Variants in PRDM10 observed in about 807,000 individuals in gnomAD.
PRDM10 encodes the protein PR domain zinc finger protein 10.
In PRDM10, 65 loss-of-function variants were observed where a neutral mutation model predicts 133.1. That is an observed-to-expected ratio of 0.49 (90% CI 0.40 to 0.60). The LOEUF (loss-of-function observed/expected upper bound fraction) is 0.60. Ranked by LOEUF, PRDM10 falls within the 20% of genes least tolerant of loss-of-function variation. PRDM10 has a pLI of 0.00. For synonymous variants in PRDM10, 582 were observed against 580.4 expected (o/e 1.00, Z -0.04); for missense variants, 1,137 against 1,507.1 (o/e 0.75, Z 4.07).
chr11:129,997,781 T>C (rs538994922), intron 1 of PRDM10, among the ~76,000 whole-genome samples: 151 of 152,376 alleles, frequency 9.9e-4, no homozygotes, highest in Admixed American at 2.0e-3. Flanking sequence ...AAATGATCCA[T>C]TGAATACATT....
chr11:129,938,305 G>C (rs906450707), intron 7 of PRDM10, among the ~76,000 whole-genome samples: 1 of 152,130 alleles, frequency 6.6e-6, no homozygotes, highest in East Asian at 1.9e-4. Flanking sequence ...TTGACTGGAT[G>C]TTTTAGATGT....
At chr11:129,978,441 A>G (rs1281625884) in intron 1 of PRDM10, among the ~76,000 whole-genome samples, 2 of 152,220 alleles carry the variant, frequency 1.3e-5, no homozygotes, top group Non-Finnish European at 2.9e-5. Context: ...AGCATGTCCT[A>G]AAGAAATGTT....
chr11:129,959,540 C>T (rs1951757053), intron 2 of PRDM10, among the ~76,000 whole-genome samples: 1 of 152,162 alleles, frequency 6.6e-6, no homozygotes, highest in African/African-American at 2.4e-5. Flanking sequence ...GGGACCCTGA[C>T]CTTGGCTATC....
intron 6 of PRDM10, among the ~76,000 whole-genome samples, chr11:129,943,623 C>A (rs1408077813): frequency 6.6e-6 from 1 of 151,918 alleles, no homozygotes; most frequent in Middle Eastern, 3.2e-3. Context: ...ACTTTGAGAG[C>A]CCAAGGCAGG....
chr11:129,978,382 C>T (rs144663566), intron 1 of PRDM10, among the ~76,000 whole-genome samples: 4 of 152,170 alleles, frequency 2.6e-5, no homozygotes, highest in African/African-American at 7.2e-5. Flanking sequence ...GAAAGTCATG[C>T]TTCTGATATG....
intron 17 of PRDM10, among the ~76,000 whole-genome samples, chr11:129,912,763 A>AG (rs1237985964): frequency 6.8e-6 from 1 of 146,298 alleles, no homozygotes; most frequent in Non-Finnish European, 1.5e-5. Flanking sequence ...AAAAAAAAAA[A>AG]AAAATTAGTC....
rs568669300 is a variant in PRDM10, at chr11:129,926,845, T to C, written c.1531-1616A>G. Among the ~76,000 whole-genome samples the C allele has an allele frequency of 1.4e-4, 21 of 152,316 alleles. No individual in the cohort carries two copies. The East Asian group carries it at 3.7e-3, about 27-fold the overall frequency. On this transcript the variant is annotated intron_variant, in intron 11 of 20. Coordinates refer to ENST00000360871, the MANE Select transcript of PRDM10 (RefSeq NM_199437.2). The stretch of plus-strand genomic sequence containing the variant: ...GTAGTTTGAGAATCAGTGAAATATA[T>C]TTCATATGAAACTCAAAAAAATGAT...
chr11:129,941,974 C>T (rs2135859026), intron 7 of PRDM10, among the ~76,000 whole-genome samples: 1 of 152,316 alleles, frequency 6.6e-6, no homozygotes, highest in South Asian at 2.1e-4. Context: ...TTCACGTTGG[C>T]TCTGCGCAAT....
Position 129,990,345 on chromosome 11 carries a change from C to CA in PRDM10, c.-119+12376dup, listed in dbSNP as rs1222504533. Among the ~76,000 whole-genome samples, 80 of 148,570 alleles carry CA rather than the reference C, an allele frequency of 5.4e-4. No individual in the cohort carries two copies. The East Asian group carries it at 0.012, about 22-fold the overall frequency. ...TGGGTGACAGAGCGAGACTCCACCA[C>CA]AAAAAAAACAAAAAAAAATTCCAAA... On this transcript the variant is annotated intron_variant, in intron 1 of 20. Transcript: ENST00000360871.
rs1351875116 is a variant in PRDM10 at position 129,923,154 on chromosome 11, T to G, written c.2034+94A>C. 1.5e-6 allele frequency: 2 copies of G among 1,376,884 alleles called. No homozygotes were observed. The highest frequency in any genetic ancestry group is 1.9e-6 in the Non-Finnish European group (2 of 1,033,546). The allele number at this position is 1,376,884 out of a possible 1,614,324, so 85.3% of individuals were successfully genotyped here. A position where few individuals can be genotyped will look rare whatever the true frequency, so the allele number is the denominator to read the frequency against. On this transcript the variant is annotated intron_variant, in intron 13 of 20. Coordinates refer to ENST00000360871, the MANE Select transcript of PRDM10 (RefSeq NM_199437.2). The surrounding 1 kb of genome is among the most constrained non-coding windows in gnomAD (Gnocchi z 4.4). ...TCAGGTCCAGTTCATCAGAGGTGGGTGATAAACTGATGAAATGAACAGGCA... is the reference window on the plus strand; with the variant it reads ...TCAGGTCCAGTTCATCAGAGGTGGGGGATAAACTGATGAAATGAACAGGCA...
chr11:129,905,199 TA>T (rs1338028235), intron 20 of PRDM10, among the ~76,000 whole-genome samples: 1 of 151,812 alleles, frequency 6.6e-6, no homozygotes, highest in Non-Finnish European at 1.5e-5. Flanking sequence ...CCATCTCTAC[TA>T]AAAATACAAA....
intron 13 of PRDM10, among the ~76,000 whole-genome samples, chr11:129,920,519 A>G (rs1204864601): frequency 6.6e-6 from 1 of 152,122 alleles, no homozygotes; most frequent in Non-Finnish European, 1.5e-5. Flanking sequence ...GAATTAGCCC[A>G]GCTCTGAAAC....
At position 129,925,254 on chromosome 11, in the gene PRDM10, C is replaced by A. The variant is rs757169840; in HGVS notation, c.1531-25G>T. On this transcript the variant is annotated intron_variant, in intron 11 of 20. Transcript: ENST00000360871. ...TCTGAAAGACATACACAAATGTGAT[C>A]ATTTAGTGATGAAATTAAGAGTGCA... The A allele has an allele frequency of 1.9e-6, 3 of 1,563,338 alleles. No individual in the cohort carries two copies. In the South Asian group the frequency reaches 3.6e-5, roughly 19 times the overall value.
rs1462196816 is a variant in PRDM10, at chr11:129,947,976, C to A, written c.295-606G>T. On this transcript the variant is annotated intron_variant, in intron 4 of 20. Coordinates refer to ENST00000360871, the MANE Select transcript of PRDM10 (RefSeq NM_199437.2). This position sits in a 1 kb window ranked among gnomAD's most constrained non-coding sequence, Gnocchi z 4.6. ...ACTTGTCTTTTAAAACTAAACACGT[C>A]GTGCAACACATGGTTAACAAAGTTC... 2.2e-6 allele frequency: 1 copy of A among 451,406 alleles called. No individual in the cohort carries two copies. The highest frequency in any genetic ancestry group is 2.0e-5 in the African/African-American group (1 of 49,790). The allele number at this position is 451,406 out of a possible 1,614,324, so 28.0% of individuals were successfully genotyped here.
chr11:129,910,730 GA>G (rs1950163347), intron 18 of PRDM10, 74 bp from the exon 19 acceptor site: 16 of 1,269,240 alleles, frequency 1.3e-5, no homozygotes, highest in Non-Finnish European at 1.7e-5. Context: ...ATAACTGAAG[GA>G]AGTACACCAG....
chr11:129,981,762 G>A (rs1938125708), intron 1 of PRDM10, among the ~76,000 whole-genome samples: 1 of 151,948 alleles, frequency 6.6e-6, no homozygotes, highest in East Asian at 1.9e-4. Context: ...CAGGCATGGT[G>A]GCGGGCACCT....
chr11:129,988,079 A>C (rs1938527514), intron 1 of PRDM10, among the ~76,000 whole-genome samples: 1 of 152,240 alleles, frequency 6.6e-6, no homozygotes, highest in Non-Finnish European at 1.5e-5. Flanking sequence ...GCTAAGTGAA[A>C]GAAGCTAGTC....
intron 1 of PRDM10, among the ~76,000 whole-genome samples, chr11:129,965,748 A>AAAT (rs1555111727): frequency 5.6e-4 from 85 of 151,588 alleles, no homozygotes; most frequent in African/African-American, 1.9e-3. Context: ...CAAAAAAAAA[A>AAAT]ATATATATAT....
chr11:129,944,491 A>C (rs1951333581), intron 6 of PRDM10, among the ~76,000 whole-genome samples: 1 of 150,792 alleles, frequency 6.6e-6, no homozygotes, highest in African/African-American at 2.5e-5. Context: ...AGGCTGAGGC[A>C]GGAGAATGGC....
Sources: gnomAD v4.1 joint callset for allele counts (sites outside exome capture counted in the v4.1 genomes callset) on GRCh38, gnomAD v4.1.1 for gene constraint, Gnocchi (gnomAD v3.1) non-coding constraint, MANE v1.5 for transcripts, NCBI Gene and HGNC (gene_info 2026-07-23, HGNC 2026-07-21) for gene names.